Variants in ZNF428 observed in about 807,000 individuals in gnomAD.
ZNF428 encodes the protein zinc finger protein 428, also known as enzyme-like protein PIT13.
ZNF428 carries 5 observed loss-of-function variants against 15.6 expected under a neutral mutation model. That is an observed-to-expected ratio of 0.32 (90% CI 0.17 to 0.67). The LOEUF (loss-of-function observed/expected upper bound fraction) is 0.67. Ranked by LOEUF, ZNF428 falls within the 30% of genes least tolerant of loss-of-function variation. ZNF428 has a pLI of 0.73. For synonymous variants in ZNF428, 97 were observed against 102.2 expected (o/e 0.95, Z 0.31); for missense variants, 237 against 256.0 (o/e 0.93, Z 0.51).
rs1209475257 is a variant in ZNF428 at position 43,612,884 on chromosome 19, A to G, written c.76+1345T>C. 4.5e-6 allele frequency: 7 copies of G among 1,551,598 alleles called. No individual in the cohort carries two copies. Among genetic ancestry groups the G allele is most frequent in the African/African-American group, 1.4e-5 (1 of 73,050 alleles). On this transcript the variant is annotated intron_variant, in intron 2 of 2. Transcript: ENST00000300811. The surrounding 1 kb of genome is among the most constrained non-coding windows in gnomAD (Gnocchi z 4.2). ...TCAGATGATCATCCCCAGTAGGGAA[A>G]AGAGTTACAGCCCCACTGAAATGTC...
chr19:43,614,055 C>T (rs770770094), intron 2 of ZNF428, 174 bp downstream of exon 2: 53 of 1,553,140 alleles, frequency 3.4e-5, no homozygotes, highest in Non-Finnish European at 4.4e-5. Flanking sequence ...AGTCAATCTA[C>T]AGTCCCCAGA....
chr19:43,618,904 C>A (rs1973402233), intron 1 of ZNF428, among the ~76,000 whole-genome samples: 1 of 152,132 alleles, frequency 6.6e-6, no homozygotes, highest in South Asian at 2.1e-4. Context: ...TCCAAGCCCA[C>A]GTCACACAAG....
Position 43,612,863 on chromosome 19 carries a change from A to T in ZNF428, c.76+1366T>A. ...AAGGAAGGTGAAGAGCTACGGTCAG[A>T]TGATCATCCCCAGTAGGGAAAAGAG... On this transcript the variant is annotated intron_variant, in intron 2 of 2. Coordinates refer to ENST00000300811, the MANE Select transcript of ZNF428 (RefSeq NM_182498.4). This position sits in a 1 kb window ranked among gnomAD's most constrained non-coding sequence, Gnocchi z 4.2. 1 of 1,551,712 alleles carries T rather than the reference A, an allele frequency of 6.4e-7. No homozygotes were observed. Among genetic ancestry groups the T allele is most frequent in the Non-Finnish European group, 8.7e-7 (1 of 1,147,000 alleles).
In ZNF428 at chr19:43,612,144, C is replaced by T; in HGVS notation, c.76+2085G>A. 1 of 1,551,726 alleles carries T rather than the reference C, an allele frequency of 6.4e-7. No homozygotes were observed. Among genetic ancestry groups the T allele is most frequent in the South Asian group, 1.2e-5 (1 of 84,062 alleles). Reference sequence around the variant, plus strand: ...ACCATGTCTTCACCTAAGAGATCTTCAAAGCCCAGTATGTCTCTGGCACCC... The same window carrying T: ...ACCATGTCTTCACCTAAGAGATCTTTAAAGCCCAGTATGTCTCTGGCACCC... On this transcript the variant is annotated intron_variant, in intron 2 of 2. Coordinates refer to ENST00000300811, the MANE Select transcript of ZNF428 (RefSeq NM_182498.4). This position sits in a 1 kb window ranked among gnomAD's most constrained non-coding sequence, Gnocchi z 4.2.
In ZNF428 at chr19:43,609,630, T is replaced by C. The variant is rs900387073; in HGVS notation, c.77-1523A>G. On this transcript the variant is annotated intron_variant, in intron 2 of 2. Transcript: ENST00000300811. Reference sequence around the variant, plus strand: ...GGTGGTGGGTGCCTATAGTCCCAGCTACTCAGGACTCTGAGGCAGGAGAAT... The same window carrying C: ...GGTGGTGGGTGCCTATAGTCCCAGCCACTCAGGACTCTGAGGCAGGAGAAT... Among the ~76,000 whole-genome samples the C allele has an allele frequency of 5.9e-5, 9 of 151,684 alleles. 1 individual carries two copies. The South Asian group carries it at 1.9e-3, about 32-fold the overall frequency.
In ZNF428 at chr19:43,612,768, C is replaced by T. The variant is rs772848300; in HGVS notation, c.76+1461G>A. 6 of 1,551,596 alleles carry T rather than the reference C, an allele frequency of 3.9e-6. No homozygotes were observed. The South Asian group carries it at 4.8e-5, about 12-fold the overall frequency. Reference sequence around the variant, plus strand: ...TCCGAGCTGGCTGTAACTCCCAGTACAGCCAAGTGTCAAACCCCGACTGGA... The same window carrying T: ...TCCGAGCTGGCTGTAACTCCCAGTATAGCCAAGTGTCAAACCCCGACTGGA... On this transcript the variant is annotated intron_variant, in intron 2 of 2. Transcript: ENST00000300811. The surrounding 1 kb of genome is among the most constrained non-coding windows in gnomAD (Gnocchi z 4.2).
rs35170127 is a variant in ZNF428 at position 43,618,025 on chromosome 19, C to CT, written c.-131+1532dup. On this transcript the variant is annotated intron_variant, in intron 1 of 2. Transcript: ENST00000300811. ...TACAGGCGCGTGCCACCATGCCCGGCTTTTTTTTTTTTTTTTTTTTTTTTT... is the reference window on the plus strand; with the variant it reads ...TACAGGCGCGTGCCACCATGCCCGGCTTTTTTTTTTTTTTTTTTTTTTTTTT... 8.7e-3 allele frequency among the ~76,000 whole-genome samples: 483 copies of CT among 55,358 alleles called. 24 individuals are homozygous for CT. The highest frequency in any genetic ancestry group is 0.012 in the African/African-American group (134 of 10,776). 36.3% of individuals were successfully genotyped at this position (55,358 alleles called of 152,430 possible).
At chr19:43,619,274 T>C (rs1038559032) in intron 1 of ZNF428, among the ~76,000 whole-genome samples, 4 of 151,744 alleles carry the variant, frequency 2.6e-5, no homozygotes, top group Non-Finnish European at 4.4e-5. Context: ...AGGTGTGGGA[T>C]AAAAGGAACC....
chr19:43,612,956 C>T lies in ZNF428; in HGVS notation c.76+1273G>A. On this transcript the variant is annotated intron_variant, in intron 2 of 2. Coordinates refer to ENST00000300811, the MANE Select transcript of ZNF428 (RefSeq NM_182498.4). The surrounding 1 kb of genome is among the most constrained non-coding windows in gnomAD (Gnocchi z 4.2). The stretch of plus-strand genomic sequence containing the variant: ...CCAGGCCAGCACCCGCAGCAGGCCG[C>T]AAAGTCACAGCCAATCTAGAAGCCC... The T allele has an allele frequency of 1.3e-6, 2 of 1,551,646 alleles. No homozygotes were observed. Among genetic ancestry groups the T allele is most frequent in the Non-Finnish European group, 1.7e-6 (2 of 1,146,956 alleles).
At chr19:43,611,319 C>T (rs1973293914) in intron 2 of ZNF428, among the ~76,000 whole-genome samples, 1 of 151,950 alleles carries the variant, frequency 6.6e-6, no homozygotes, top group South Asian at 2.1e-4. Flanking sequence ...CCTGGTTGAC[C>T]CGTTCATTTT....
At position 43,612,788 on chromosome 19, in the gene ZNF428, A is replaced by G. The variant is rs529862799; in HGVS notation, c.76+1441T>C. The G allele has an allele frequency of 2.6e-6, 4 of 1,551,598 alleles. No individual in the cohort carries two copies. The South Asian group carries it at 4.8e-5, about 18-fold the overall frequency. ...CAGTACAGCCAAGTGTCAAACCCCG[A>G]CTGGAATTCCCTCCAAGGAGAAGAG... is the stretch of plus-strand genomic sequence containing the variant. On this transcript the variant is annotated intron_variant, in intron 2 of 2. Transcript: ENST00000300811. The surrounding 1 kb of genome is among the most constrained non-coding windows in gnomAD (Gnocchi z 4.2).
At position 43,607,524 on chromosome 19, in the gene ZNF428, C is replaced by A; in HGVS notation, c.*93G>T. On this transcript the variant is annotated 3_prime_UTR_variant, in exon 3 of 3. Coordinates refer to ENST00000300811, the MANE Select transcript of ZNF428 (RefSeq NM_182498.4). The surrounding 1 kb of genome is among the most constrained non-coding windows in gnomAD (Gnocchi z 5.1). ...TAAGACAACACAGACCGGCAGTACC[C>A]CATCCCCCATGACCACTGTCACAAC... The A allele has an allele frequency of 7.0e-7, 1 of 1,435,534 alleles. No homozygotes were observed. Among genetic ancestry groups the A allele is most frequent in the Non-Finnish European group, 9.3e-7 (1 of 1,076,844 alleles). The allele number at this position is 1,435,534 out of a possible 1,614,324, so 88.9% of individuals were successfully genotyped here.
At chr19:43,614,595 T>A in intron 1 of ZNF428, 161 bp from the exon 2 acceptor site, 2 of 444,030 alleles carry the variant, frequency 4.5e-6, no homozygotes, top group Non-Finnish European at 7.1e-6. Context: ...GCCCTGCCCC[T>A]CTCTAGGTCT....
In ZNF428 at chr19:43,614,338, C is replaced by A. The variant is rs562123832; in HGVS notation, c.-34G>T. On this transcript the variant is annotated 5_prime_UTR_variant, in exon 2 of 3. Transcript: ENST00000300811. ...GAGGGGACAGGAGACAGGAGCAGAGCAGCAGCTGAGCAGCGTCCCTCCCCG... is the reference window on the plus strand; with the variant it reads ...GAGGGGACAGGAGACAGGAGCAGAGAAGCAGCTGAGCAGCGTCCCTCCCCG... The A allele has an allele frequency of 1.3e-6, 2 of 1,569,560 alleles. No individual in the cohort carries two copies. Among genetic ancestry groups the A allele is most frequent in the South Asian group, 2.4e-5 (2 of 83,590 alleles).
chr19:43,612,120 C>A lies in ZNF428; in HGVS notation c.76+2109G>T, dbSNP rs1973303756. Reference sequence around the variant, plus strand: ...AGGACCACAAGCCCTTTTGCGCCCACCATGTCTTCACCTAAGAGATCTTCA... The same window carrying A: ...AGGACCACAAGCCCTTTTGCGCCCAACATGTCTTCACCTAAGAGATCTTCA... On this transcript the variant is annotated intron_variant, in intron 2 of 2. Transcript: ENST00000300811. The surrounding 1 kb of genome is among the most constrained non-coding windows in gnomAD (Gnocchi z 4.2). The A allele has an allele frequency of 6.4e-7, 1 of 1,550,772 alleles. No homozygotes were observed. Among genetic ancestry groups the A allele is most frequent in the South Asian group, 1.2e-5 (1 of 84,046 alleles).
intron 2 of ZNF428, chr19:43,613,588 A>T: frequency 6.4e-7 from 1 of 1,551,738 alleles, no homozygotes; most frequent in Non-Finnish European, 8.7e-7. Context: ...GCCAACTTGG[A>T]AGCCCCAGCA....
chr19:43,612,333 A>G lies in ZNF428; in HGVS notation c.76+1896T>C. 1 of 1,551,632 alleles carries G rather than the reference A, an allele frequency of 6.4e-7. No homozygotes were observed. Among genetic ancestry groups the G allele is most frequent in the Non-Finnish European group, 8.7e-7 (1 of 1,146,986 alleles). On this transcript the variant is annotated intron_variant, in intron 2 of 2. Transcript: ENST00000300811. The surrounding 1 kb of genome is among the most constrained non-coding windows in gnomAD (Gnocchi z 4.2). ...AAGTCCACCAAATCGACCAGTACAA[A>G]AAGAGCCCCTTCTAACCGGCCCAGC... is the stretch of plus-strand genomic sequence containing the variant.
intron 1 of ZNF428, among the ~76,000 whole-genome samples, chr19:43,618,916 C>A (rs1973402397): frequency 6.6e-6 from 1 of 152,130 alleles, no homozygotes; most frequent in Admixed American, 6.5e-5. Flanking sequence ...TCACACAAGG[C>A]CCCTTCCAGA....
Position 43,612,692 on chromosome 19 carries a change from C to A in ZNF428, c.76+1537G>T. 2 of 1,551,552 alleles carry A rather than the reference C, an allele frequency of 1.3e-6. No homozygotes were observed. Among genetic ancestry groups the A allele is most frequent in the South Asian group, 2.4e-5 (2 of 84,062 alleles). On this transcript the variant is annotated intron_variant, in intron 2 of 2. Coordinates refer to ENST00000300811, the MANE Select transcript of ZNF428 (RefSeq NM_182498.4). The surrounding 1 kb of genome is among the most constrained non-coding windows in gnomAD (Gnocchi z 4.2). ...AAGGAGTGACAGCCAGCCTAGAAAT[C>A]TGAGCAAGAAGAGTTACCGCCCACC...
Sources: gnomAD v4.1 joint callset for allele counts (sites outside exome capture counted in the v4.1 genomes callset) on GRCh38, gnomAD v4.1.1 for gene constraint, Gnocchi (gnomAD v3.1) non-coding constraint, MANE v1.5 for transcripts, NCBI Gene and HGNC (gene_info 2026-07-23, HGNC 2026-07-21) for gene names.